The following RIMBP2 variants were observed in gnomAD, a reference collection of about 807,000 sequenced individuals.
RIMBP2 encodes the protein RIMS-binding protein 2.
RIMBP2 carries 48 observed loss-of-function variants against 118.6 expected under a neutral mutation model. The ratio of observed to expected loss-of-function variants is 0.40; its 90% CI spans 0.32 to 0.51. The LOEUF is 0.51. Ranked by LOEUF, RIMBP2 falls within the 20% of genes least tolerant of loss-of-function variation. RIMBP2 has a pLI of 0.41. For synonymous variants in RIMBP2, 762 were observed against 742.9 expected (o/e 1.03, Z -0.42); for missense variants, 1,551 against 1,768.3 (o/e 0.88, Z 2.20).
intron 2 of RIMBP2, among the ~76,000 whole-genome samples, chr12:130,532,357 C>A (rs1055691267): frequency 1.3e-5 from 2 of 149,318 alleles, no homozygotes; most frequent in African/African-American, 5.0e-5. Context: ...GTGTGTGTAG[C>A]CTCTAGGAGT....
intron 2 of RIMBP2, among the ~76,000 whole-genome samples, chr12:130,560,324 G>A (rs1264473208): frequency 6.6e-6 from 1 of 151,896 alleles, no homozygotes; most frequent in Non-Finnish European, 1.5e-5. Context: ...CAGAGTCGGG[G>A]GTCTCGGTTC....
chr12:130,527,738 A>G (rs2052955825), intron 2 of RIMBP2, among the ~76,000 whole-genome samples: 1 of 139,714 alleles, frequency 7.2e-6, no homozygotes, highest in Non-Finnish European at 1.5e-5. Context: ...ACTTAAACAG[A>G]CTTACAAGAG....
intron 1 of RIMBP2, among the ~76,000 whole-genome samples, chr12:130,639,641 C>T: frequency 6.6e-6 from 1 of 151,948 alleles, no homozygotes; most frequent in East Asian, 1.9e-4. Context: ...GGTCAGCAGG[C>T]TGGGCTCATT....
intron 19 of RIMBP2, among the ~76,000 whole-genome samples, chr12:130,411,862 A>T (rs945161837): frequency 6.6e-6 from 1 of 151,522 alleles, no homozygotes; most frequent in African/African-American, 2.4e-5. Context: ...TTATCCTTAA[A>T]ATTATGTATA....
chr12:130,636,861 A>G (rs555405580), intron 1 of RIMBP2, among the ~76,000 whole-genome samples: 1 of 152,330 alleles, frequency 6.6e-6, no homozygotes, highest in East Asian at 1.9e-4. Flanking sequence ...GTTTCAACAC[A>G]TTCCCTTTTA....
In RIMBP2 at chr12:130,396,237, A is replaced by G. The variant is rs2074065690; in HGVS notation, c.*1124T>C. 6.5e-6 allele frequency: 1 copy of G among 152,676 alleles called. No homozygotes were observed. 9.5% of individuals were successfully genotyped at this position (152,676 alleles called of 1,614,324 possible). On this transcript the variant is annotated 3_prime_UTR_variant, in exon 23 of 23. Coordinates refer to ENST00000690449, the MANE Select transcript of RIMBP2 (RefSeq NM_001393629.1). Reference sequence around the variant, plus strand: ...CCACACATGGATTTCCTTTAATAATAAATCTACCACATACTATTATATTAC... The same window carrying G: ...CCACACATGGATTTCCTTTAATAATGAATCTACCACATACTATTATATTAC...
intron 6 of RIMBP2, chr12:130,470,346 A>T (rs1225254114): frequency 8.8e-6 from 2 of 228,402 alleles, no homozygotes; most frequent in Non-Finnish European, 1.7e-5. Context: ...GGGGAAATTA[A>T]TTCACAAGCA....
intron 13 of RIMBP2, among the ~76,000 whole-genome samples, chr12:130,436,024 G>A (rs1417200264): frequency 6.6e-6 from 1 of 152,236 alleles, no homozygotes; most frequent in Non-Finnish European, 1.5e-5. Context: ...GCAGGGCCGA[G>A]GGTCCTGACC....
chr12:130,474,482 C>T (rs57922323), intron 5 of RIMBP2, among the ~76,000 whole-genome samples: 16,022 of 152,208 alleles, frequency 0.11, 1,154 homozygotes, highest in East Asian at 0.35. Context: ...GCGCCTTTCA[C>T]GGAGCTGAAG....
At chr12:130,657,002 C>G (rs1436716002) in intron 1 of RIMBP2, among the ~76,000 whole-genome samples, 6 of 152,234 alleles carry the variant, frequency 3.9e-5, no homozygotes, top group Non-Finnish European at 7.3e-5. Flanking sequence ...TCAAGTGATC[C>G]TCCTGCCTCA....
chr12:130,416,055 A>G (rs2076083684), intron 17 of RIMBP2, among the ~76,000 whole-genome samples: 1 of 152,206 alleles, frequency 6.6e-6, no homozygotes, highest in Non-Finnish European at 1.5e-5. Flanking sequence ...TACAAGGAGA[A>G]CGACAGAACA....
intron 2 of RIMBP2, among the ~76,000 whole-genome samples, chr12:130,592,532 T>G (rs980149094): frequency 2.0e-5 from 3 of 151,836 alleles, no homozygotes; most frequent in African/African-American, 7.3e-5. Flanking sequence ...CTACTAAAAA[T>G]ACAAAAATTA....
chr12:130,505,328 T>A (rs984288081), intron 4 of RIMBP2, among the ~76,000 whole-genome samples: 8 of 152,154 alleles, frequency 5.3e-5, no homozygotes, highest in African/African-American at 1.7e-4. Flanking sequence ...GCCATGAAGG[T>A]CACCATTTTA....
intron 4 of RIMBP2, among the ~76,000 whole-genome samples, chr12:130,497,821 T>C (rs1340449895): frequency 2.0e-5 from 3 of 152,346 alleles, no homozygotes; most frequent in African/African-American, 7.2e-5. Context: ...CTGGGTGTTT[T>C]GATCAGACTC....
intron 19 of RIMBP2, among the ~76,000 whole-genome samples, chr12:130,409,649 G>A (rs145215925): frequency 0.019 from 2,866 of 152,226 alleles, 42 homozygotes; most frequent in Non-Finnish European, 0.028. Context: ...GGCCCAGAAT[G>A]TAGCTTTTGA....
chr12:130,588,713 C>T (rs1477060209), intron 2 of RIMBP2, among the ~76,000 whole-genome samples: 1 of 152,226 alleles, frequency 6.6e-6, no homozygotes, highest in Non-Finnish European at 1.5e-5. Context: ...AGAGCATATT[C>T]ACTTTGTCAC....
chr12:130,467,442 C>A (rs2080582526), intron 6 of RIMBP2, among the ~76,000 whole-genome samples: 1 of 152,236 alleles, frequency 6.6e-6, no homozygotes, highest in Non-Finnish European at 1.5e-5. Context: ...AAGAGGACAG[C>A]TTCGACCCCC....
chr12:130,516,754 G>C (rs1214640813), intron 3 of RIMBP2, among the ~76,000 whole-genome samples: 1 of 152,198 alleles, frequency 6.6e-6, no homozygotes, highest in Non-Finnish European at 1.5e-5. Flanking sequence ...AAGATGGACA[G>C]GATGGCAGCC....
chr12:130,707,456 C>T (rs564935031), intron 1 of RIMBP2, among the ~76,000 whole-genome samples: 6 of 152,246 alleles, frequency 3.9e-5, no homozygotes, highest in South Asian at 2.1e-4. Flanking sequence ...GAAGGCTTCT[C>T]AGAGGCGGTG....
Sources: gnomAD v4.1 joint callset for allele counts (sites outside exome capture counted in the v4.1 genomes callset) on GRCh38, gnomAD v4.1.1 for gene constraint, MANE v1.5 for transcripts, NCBI Gene and HGNC (gene_info 2026-07-23, HGNC 2026-07-21) for gene names.